PKDREJ: variants seen among roughly 807,000 people sequenced by gnomAD.
The protein encoded by PKDREJ is polycystin family receptor for egg jelly.
For synonymous variants in PKDREJ, 1,031 were observed against 1,095.5 expected, an observed-to-expected ratio of 0.94 and a Z score of 1.16; for missense variants, 2,507 against 2,807.2, an observed-to-expected ratio of 0.89 and a Z score of 2.42.
rs759001479 is a variant in PKDREJ, at chr22:46,259,067, CTT to C, written c.4254_4255del (p.Arg1421GlufsTer11). 2.2e-5 allele frequency: 36 copies of C among 1,613,650 alleles called. No individual in the cohort carries two copies. The highest frequency in any genetic ancestry group is 3.3e-5 in the Admixed American group (2 of 59,988). ...CATTGATCTCATGTATTTCCTCTCT[CTT>C]GACTCAGTTTGTTCTTGTCTATTTA... On this transcript the variant is annotated frameshift_variant, in exon 1 of 1. Coordinates refer to ENST00000253255, the MANE Select transcript of PKDREJ (RefSeq NM_006071.2). LOFTEE classifies it low-confidence loss of function (END_TRUNC). This position sits in a 1 kb window ranked among gnomAD's most constrained non-coding sequence, Gnocchi z 6.8.
At position 46,260,880 on chromosome 22, in the gene PKDREJ, A is replaced by G. The variant is rs1936688821; in HGVS notation, c.2443T>C (p.Ser815Pro). 6.2e-7 allele frequency: 1 copy of G among 1,613,712 alleles called. No individual in the cohort carries two copies. The highest frequency in any genetic ancestry group is 8.5e-7 in the Non-Finnish European group (1 of 1,179,548). ...GGAGAAGTCATTTTAAGAATATTAG[A>G]CAAACTCATTAGTATTCCAGTACTC... is the stretch of plus-strand genomic sequence containing the variant. ...IVSTGILMSL[S>P]NILKMTSPHQ... Residue 815 changes from serine to proline, a missense_variant, in exon 1 of 1, where the codon TCT becomes CCT. Physicochemically the swap from Ser to Pro is moderately conservative, Grantham distance 74 (BLOSUM62 -1). Transcript: ENST00000253255. The surrounding 1 kb of genome is among the most constrained non-coding windows in gnomAD (Gnocchi z 4.5).
chr22:46,260,163 G>A lies in PKDREJ; in HGVS notation c.3160C>T (p.Arg1054Cys), dbSNP rs768635543. The A allele has an allele frequency of 1.5e-5, 24 of 1,614,026 alleles. No individual in the cohort carries two copies. The highest frequency in any genetic ancestry group is 1.3e-4 in the South Asian group (12 of 91,078). Residue 1054 changes from arginine (R) to cysteine (C), a missense_variant, in exon 1 of 1, where the codon CGT becomes TGT. By Grantham distance (180) the Arg-to-Cys change is radical (BLOSUM62 -3). Transcript: ENST00000253255. This position sits in a 1 kb window ranked among gnomAD's most constrained non-coding sequence, Gnocchi z 4.5. ...AGGGACACAGGGAGGCAGACTACAC[G>A]GGCCTTCTTCACTGTGCAGGCTGGG... ...FDPACTVKKA[R>C]VVCLPVSLLQ...
rs1221545308 is a variant in PKDREJ, at chr22:46,256,569, C to T, written c.6754G>A (p.Val2252Ile). The change falls in exon 1 of 1, where the codon GTT becomes ATT. Residue 2252 changes from valine to isoleucine, a missense_variant. Physicochemically the swap from Val to Ile is conservative, Grantham distance 29. Transcript: ENST00000253255. This position sits in a 1 kb window ranked among gnomAD's most constrained non-coding sequence, Gnocchi z 5.3. ...NINGKKMVYL[V>I]V ...CATGAAACCATCATTCATCAAACAACAAGGTAAACCATTTTCTTCCCGTTG... is the reference window on the plus strand; with the variant it reads ...CATGAAACCATCATTCATCAAACAATAAGGTAAACCATTTTCTTCCCGTTG... 1 of 1,611,402 alleles carries T rather than the reference C, an allele frequency of 6.2e-7. No individual in the cohort carries two copies. Among genetic ancestry groups the T allele is most frequent in the African/African-American group, 1.3e-5 (1 of 74,832 alleles).
rs747608182 is a variant in PKDREJ, at chr22:46,258,397, C to T, written c.4926G>A (p.Lys1642=). The T allele has an allele frequency of 4.3e-5, 69 of 1,613,968 alleles. No individual in the cohort carries two copies. Among genetic ancestry groups the T allele is most frequent in the Admixed American group, 1.2e-4 (7 of 60,008 alleles). ...TTGACCATGAAAGGTTTTTGCAATACTTGGGTTTATTCGTTCTGAAGCCTG... is the reference window on the plus strand; with the variant it reads ...TTGACCATGAAAGGTTTTTGCAATATTTGGGTTTATTCGTTCTGAAGCCTG... ...LLSGFRTNKP[K]YCKNLSWSTK... The change falls in exon 1 of 1, where the codon AAG becomes AAA. Residue 1642 remains lysine, a synonymous_variant. Transcript: ENST00000253255. This position sits in a 1 kb window ranked among gnomAD's most constrained non-coding sequence, Gnocchi z 6.1.
Position 46,260,979 on chromosome 22 carries a change from A to C in PKDREJ, c.2344T>G (p.Trp782Gly). 6.2e-7 allele frequency: 1 copy of C among 1,614,256 alleles called. No individual in the cohort carries two copies. The highest frequency in any genetic ancestry group is 1.1e-5 in the South Asian group (1 of 91,088). ...TCTTGTAGGGCTTGATTTGCTTGCC[A>C]TACCCTCATGGTGGCACGTTTCTGA... ...DAQKRATMRV[W>G]QANQALQEYQ... The change falls in exon 1 of 1, where the codon TGG becomes GGG. Residue 782 changes from tryptophan to glycine, a missense_variant. Transcript: ENST00000253255. This position sits in a 1 kb window ranked among gnomAD's most constrained non-coding sequence, Gnocchi z 4.5.
In PKDREJ at chr22:46,259,786, G is replaced by A; in HGVS notation, c.3537C>T (p.Ser1179=). ...PVDLRLNIIK[S]LHQNPVTLFT... ...AGAGGGTCACGGGGTTTTGGTGAAG[G>A]CTCTTGATGATGTTTAACCGTAGAT... Residue 1179 remains serine (S), a synonymous_variant, in exon 1 of 1, where the codon AGC becomes AGT. Transcript: ENST00000253255. The surrounding 1 kb of genome is among the most constrained non-coding windows in gnomAD (Gnocchi z 6.8). 1 of 1,614,052 alleles carries A rather than the reference G, an allele frequency of 6.2e-7. No individual in the cohort carries two copies. The highest frequency in any genetic ancestry group is 1.1e-5 in the South Asian group (1 of 91,074).
rs552761319 is a variant in PKDREJ, at chr22:46,260,423, G to A, written c.2900C>T (p.Thr967Ile). The change falls in exon 1 of 1, where the codon ACA becomes ATA. Residue 967 changes from threonine (T) to isoleucine (I), a missense_variant. Coordinates refer to ENST00000253255, the MANE Select transcript of PKDREJ (RefSeq NM_006071.2). This position sits in a 1 kb window ranked among gnomAD's most constrained non-coding sequence, Gnocchi z 4.5. ...KNLTFAAFNL[T>I]VGPNSEVDGS... is the part of the protein sequence containing the mutation. ...ATCAACCTCGCTGTTGGGTCCCACTGTGAGATTAAAAGCTGCAAAGGTCAA... is the reference window on the plus strand; with the variant it reads ...ATCAACCTCGCTGTTGGGTCCCACTATGAGATTAAAAGCTGCAAAGGTCAA... 467 of 1,614,166 alleles carry A rather than the reference G, an allele frequency of 2.9e-4. 11 individuals carry two copies. The South Asian group carries it at 4.8e-3, about 17-fold the overall frequency.
chr22:46,259,721 G>A lies in PKDREJ; in HGVS notation c.3602C>T (p.Ala1201Val). ...TTCATCCCTGTATAAAGCCCAAAAA[G>A]CTAGGCCCACGTATAAGAGAATAAT... ...LFIILLYVGL[A>V]FWALYRDEMD... The change falls in exon 1 of 1, where the codon GCT (alanine) becomes GTT (valine). Residue 1201 changes from alanine (A) to valine (V), a missense_variant. Coordinates refer to ENST00000253255, the MANE Select transcript of PKDREJ (RefSeq NM_006071.2). The surrounding 1 kb of genome is among the most constrained non-coding windows in gnomAD (Gnocchi z 6.8). The A allele has an allele frequency of 6.2e-7, 1 of 1,614,152 alleles. No homozygotes were observed. The highest frequency in any genetic ancestry group is 8.5e-7 in the Non-Finnish European group (1 of 1,180,038).
chr22:46,262,387 G>A lies in PKDREJ; in HGVS notation c.936C>T (p.Thr312=), dbSNP rs774586885. 2.3e-5 allele frequency: 37 copies of A among 1,613,970 alleles called. No individual in the cohort carries two copies. Among genetic ancestry groups the A allele is most frequent in the African/African-American group, 4.0e-5 (3 of 74,938 alleles). ...CCTCGGGCATCTTGGGGTTCCCTGT[G>A]GTGATGGACACCGTGAAATTAAACA... is the stretch of plus-strand genomic sequence containing the variant. ...VYVFNFTVSI[T]TGNPKMPEVK... is the part of the protein sequence containing the mutation. Residue 312 remains threonine, a synonymous_variant, in exon 1 of 1, where the codon ACC becomes ACT. Coordinates refer to ENST00000253255, the MANE Select transcript of PKDREJ (RefSeq NM_006071.2). This position sits in a 1 kb window ranked among gnomAD's most constrained non-coding sequence, Gnocchi z 8.1.
chr22:46,259,901 C>T lies in PKDREJ; in HGVS notation c.3422G>A (p.Arg1141Lys), dbSNP rs758733770. ...GAGTCCGATTGTGCCCAGCTGCCGC[C>T]TAGCCCTTACTACATTCTTGCAGAT... ...HCICKNVVRA[R>K]RQLGTIGLTG... The change falls in exon 1 of 1, where the codon AGG becomes AAG. Residue 1141 changes from arginine to lysine, a missense_variant. Arg to Lys is a conservative substitution (Grantham distance 26). Transcript: ENST00000253255. This position sits in a 1 kb window ranked among gnomAD's most constrained non-coding sequence, Gnocchi z 6.8. 1.2e-6 allele frequency: 2 copies of T among 1,613,808 alleles called. No individual in the cohort carries two copies. Among genetic ancestry groups the T allele is most frequent in the Non-Finnish European group, 1.7e-6 (2 of 1,180,028 alleles).
At position 46,262,501 on chromosome 22, in the gene PKDREJ, C is replaced by A; in HGVS notation, c.822G>T (p.Thr274=). 1 of 1,588,466 alleles carries A rather than the reference C, an allele frequency of 6.3e-7. No homozygotes were observed. The change falls in exon 1 of 1, where the codon ACG becomes ACT. Residue 274 remains threonine, a synonymous_variant. Coordinates refer to ENST00000253255, the MANE Select transcript of PKDREJ (RefSeq NM_006071.2). This position sits in a 1 kb window ranked among gnomAD's most constrained non-coding sequence, Gnocchi z 8.1. The part of the protein sequence containing the change: ...VPAVGQAPDW[T]QPLDLPQLEI... ...CGAGCTGGGGCAGATCCAAGGGCTG[C>A]GTCCAGTCGGGCGCCTGACCCACGG... is the stretch of plus-strand genomic sequence containing the variant.
rs201537667 is a variant in PKDREJ at position 46,256,530 on chromosome 22, G to T, written c.*31C>A. 14 of 1,583,846 alleles carry T rather than the reference G, an allele frequency of 8.8e-6. No individual in the cohort carries two copies. In the African/African-American group the frequency reaches 1.6e-4, roughly 18 times the overall value. ...CCACAGACTCAGCAGTTGGGGGAAC[G>T]CTTGCTTGTGACTCATGAAACCATC... On this transcript the variant is annotated 3_prime_UTR_variant, in exon 1 of 1. Transcript: ENST00000253255. This position sits in a 1 kb window ranked among gnomAD's most constrained non-coding sequence, Gnocchi z 5.3.
In PKDREJ at chr22:46,258,773, GAGGTTGCCTTAGGAGA is replaced by G; in HGVS notation, c.4534_4549del (p.Ser1512ProfsTer28). The G allele has an allele frequency of 1.2e-5, 20 of 1,614,180 alleles. No individual in the cohort carries two copies. The highest frequency in any genetic ancestry group is 1.7e-5 in the Non-Finnish European group (20 of 1,180,034). On this transcript the variant is annotated frameshift_variant, in exon 1 of 1. Coordinates refer to ENST00000253255, the MANE Select transcript of PKDREJ (RefSeq NM_006071.2). LOFTEE classifies it low-confidence loss of function (END_TRUNC). The surrounding 1 kb of genome is among the most constrained non-coding windows in gnomAD (Gnocchi z 6.1). ...TTTCCTATGCCTGTGCTTGGGTTTG[GAGGTTGCCTTAGGAGA>G]AGCCTTTGGAAGCCTGGGCTTTCCT...
Position 46,259,177 on chromosome 22 carries a change from T to G in PKDREJ, c.4146A>C (p.Lys1382Asn). The G allele has an allele frequency of 6.2e-7, 1 of 1,614,106 alleles. No individual in the cohort carries two copies. Among genetic ancestry groups the G allele is most frequent in the Non-Finnish European group, 8.5e-7 (1 of 1,179,982 alleles). Residue 1382 changes from lysine (K) to asparagine (N), a missense_variant, in exon 1 of 1, where the codon AAA becomes AAC. Transcript: ENST00000253255. The surrounding 1 kb of genome is among the most constrained non-coding windows in gnomAD (Gnocchi z 6.8). Reference protein sequence around the residue: ...WFSIFASVVAKTFNRLQRLSC... With the variant: ...WFSIFASVVANTFNRLQRLSC... ...ACAATCTCTGGAGCCTATTGAATGT[T>G]TTAGCAACAACACTAGCAAAAATAG...
In PKDREJ at chr22:46,262,065, G is replaced by C. The variant is rs1477441341; in HGVS notation, c.1258C>G (p.Pro420Ala). 1.2e-6 allele frequency: 2 copies of C among 1,613,954 alleles called. No individual in the cohort carries two copies. Among genetic ancestry groups the C allele is most frequent in the African/African-American group, 1.3e-5 (1 of 74,902 alleles). The change falls in exon 1 of 1, where the codon CCA becomes GCA. Residue 420 changes from proline to alanine, a missense_variant. Coordinates refer to ENST00000253255, the MANE Select transcript of PKDREJ (RefSeq NM_006071.2). This position sits in a 1 kb window ranked among gnomAD's most constrained non-coding sequence, Gnocchi z 8.1. ...WASGPVLTLL[P>A]ETLKGDHVYF... ...ACGTGGTCGCCTTTAAGTGTTTCTG[G>C]CAAAAGTGTCAGTACAGGGCCCGAG...
chr22:46,261,057 C>G lies in PKDREJ; in HGVS notation c.2266G>C (p.Val756Leu), dbSNP rs773979139. The G allele has an allele frequency of 8.7e-6, 14 of 1,614,180 alleles. No individual in the cohort carries two copies. The highest frequency in any genetic ancestry group is 1.1e-5 in the Non-Finnish European group (13 of 1,180,038). Reference sequence around the variant, plus strand: ...TGGGTTAATTTGGTAATAGTCATGACTACCTGGCCAATTTCTACCAAAGTG... The same window carrying G: ...TGGGTTAATTTGGTAATAGTCATGAGTACCTGGCCAATTTCTACCAAAGTG... ...VSTLVEIGQV[V>L]MTITKLTQKP... The change falls in exon 1 of 1, where the codon GTC (valine) becomes CTC (leucine). Residue 756 changes from valine (V) to leucine (L), a missense_variant. Coordinates refer to ENST00000253255, the MANE Select transcript of PKDREJ (RefSeq NM_006071.2). The surrounding 1 kb of genome is among the most constrained non-coding windows in gnomAD (Gnocchi z 7.1).
Position 46,257,019 on chromosome 22 carries a change from C to G in PKDREJ, c.6304G>C (p.Val2102Leu), listed in dbSNP as rs889523403. 3 of 1,613,788 alleles carry G rather than the reference C, an allele frequency of 1.9e-6. No homozygotes were observed. In the African/African-American group the frequency reaches 4.0e-5, roughly 22 times the overall value. Reference protein sequence around the residue: ...MAFVVSVYFFVYMAFGYLVFG... With the variant: ...MAFVVSVYFFLYMAFGYLVFG... The stretch of plus-strand genomic sequence containing the variant: ...ACCAGGTAACCAAAAGCCATGTATA[C>G]GAAGAAATACACGGACACAACAAAT... The change falls in exon 1 of 1, where the codon GTA (valine) becomes CTA (leucine). Residue 2102 changes from valine to leucine, a missense_variant. Physicochemically the swap from Val to Leu is conservative, Grantham distance 32. Transcript: ENST00000253255. This position sits in a 1 kb window ranked among gnomAD's most constrained non-coding sequence, Gnocchi z 4.7.
Position 46,263,218 on chromosome 22 carries a change from G to A in PKDREJ, c.105C>T (p.Ser35=), listed in dbSNP as rs1936721020. Residue 35 remains serine, a synonymous_variant, in exon 1 of 1, where the codon TCC becomes TCT. Coordinates refer to ENST00000253255, the MANE Select transcript of PKDREJ (RefSeq NM_006071.2). This position sits in a 1 kb window ranked among gnomAD's most constrained non-coding sequence, Gnocchi z 9.4. ...PVPRGAQAAV[S]GAPGGLLRGA... ...CCCTGAGGAGGCCACCGGGCGCCCC[G>A]GAGACGGCGGCTTGTGCCCCGCGAG... The A allele has an allele frequency of 7.3e-7, 1 of 1,374,514 alleles. No homozygotes were observed. 85.1% of individuals were successfully genotyped at this position (1,374,514 alleles called of 1,614,324 possible).
rs199563012 is a variant in PKDREJ, at chr22:46,262,399, C to T, written c.924G>A (p.Thr308=). ...LQWGVYVFNF[T]VSITTGNPKM... is the part of the protein sequence containing the mutation. ...TGGGGTTCCCTGTGGTGATGGACACCGTGAAATTAAACACATACACTCCCC... is the reference window on the plus strand; with the variant it reads ...TGGGGTTCCCTGTGGTGATGGACACTGTGAAATTAAACACATACACTCCCC... Residue 308 remains threonine (T), a synonymous_variant, in exon 1 of 1, where the codon ACG becomes ACA. Coordinates refer to ENST00000253255, the MANE Select transcript of PKDREJ (RefSeq NM_006071.2). This position sits in a 1 kb window ranked among gnomAD's most constrained non-coding sequence, Gnocchi z 8.1. 1.3e-4 allele frequency: 204 copies of T among 1,613,874 alleles called. 2 individuals carry two copies. In the South Asian group the frequency reaches 2.0e-3, roughly 16 times the overall value.
Sources: allele counts gnomAD v4.1 joint callset, GRCh38; gene constraint gnomAD v4.1.1; non-coding constraint Gnocchi (gnomAD v3.1); transcripts MANE v1.5; gene names NCBI Gene and HGNC (gene_info 2026-07-23, HGNC 2026-07-21).